SMIM7: variants seen among roughly 807,000 people sequenced by gnomAD.
SMIM7 encodes small integral membrane protein 7.
Under a neutral mutation model 13.3 loss-of-function variants are expected in SMIM7, and 12 were observed. The ratio of observed to expected loss-of-function variants is 0.90; its 90% CI spans 0.58 to 1.46. The LOEUF (loss-of-function observed/expected upper bound fraction) is 1.46, where lower values mean the gene tolerates loss of function less well. Ranked by LOEUF, SMIM7 falls within the 40% of genes most tolerant of loss-of-function variation. The probability of loss-of-function intolerance (pLI) is 0.00; values close to 1 mark genes in which losing one functional copy is unlikely to be tolerated. For synonymous variants in SMIM7, 36 were observed against 35.8 expected (o/e 1.01, Z -0.02); for missense variants, 114 against 94.8 (o/e 1.20, Z -0.84).
chr19:16,652,669 C>T lies in SMIM7; in HGVS notation c.212+1366G>A. The T allele has an allele frequency of 2.1e-6, 3 of 1,396,204 alleles. No homozygotes were observed. The East Asian group carries it at 8.1e-5, about 38-fold the overall frequency. The allele number at this position is 1,396,204 out of a possible 1,614,324, so 86.5% of individuals were successfully genotyped here. A position where few individuals can be genotyped will look rare whatever the true frequency, so the allele number is the denominator to read the frequency against. On this transcript the variant is annotated intron_variant, in intron 4 of 4. Coordinates refer to ENST00000487416, the MANE Select transcript of SMIM7 (RefSeq NM_024104.4). ...TGATGAGGGTGAAATGCCATCCTCC[C>T]CAGATCTCCTATGTCCTGGAAGCAT...
chr19:16,659,343 G>C lies in SMIM7; in HGVS notation c.121+52C>G, dbSNP rs184361526. ...AACGAAGGTAGGGCTTGGCGAAACAGAACTGTCCTCTGAAGTGGACCATGC... is the reference window on the plus strand; with the variant it reads ...AACGAAGGTAGGGCTTGGCGAAACACAACTGTCCTCTGAAGTGGACCATGC... On this transcript the variant is annotated intron_variant, in intron 3 of 4. Coordinates refer to ENST00000487416, the MANE Select transcript of SMIM7 (RefSeq NM_024104.4). The C allele has an allele frequency of 6.8e-4, 922 of 1,355,548 alleles. 3 individuals are homozygous for C. The highest frequency in any genetic ancestry group is 9.2e-4 in the Non-Finnish European group (873 of 951,400). 84.0% of individuals were successfully genotyped at this position (1,355,548 alleles called of 1,614,324 possible).
In SMIM7 at chr19:16,647,192, G is replaced by A. The variant is rs759839811; in HGVS notation, c.*54C>T. The stretch of plus-strand genomic sequence containing the variant: ...CATTCTTGAAGTCATCAGGAATGGA[G>A]GAATGGAGACTCGGCATCCCGGGAA... On this transcript the variant is annotated 3_prime_UTR_variant, in exon 5 of 5. Coordinates refer to ENST00000487416, the MANE Select transcript of SMIM7 (RefSeq NM_024104.4). The A allele has an allele frequency of 2.9e-5, 47 of 1,610,544 alleles. No individual in the cohort carries two copies. The highest frequency in any genetic ancestry group is 3.8e-5 in the Non-Finnish European group (45 of 1,178,128).
intron 4 of SMIM7, chr19:16,634,043 G>T (rs1190075187): frequency 6.6e-6 from 1 of 152,304 alleles, no homozygotes; most frequent in Non-Finnish European, 1.5e-5. Context: ...GGAGCCTCCA[G>T]GGCTGACTCC....
intron 3 of SMIM7, among the ~76,000 whole-genome samples, chr19:16,656,049 G>A (rs1387494055): frequency 2.6e-5 from 4 of 152,130 alleles, no homozygotes; most frequent in Admixed American, 6.6e-5. Context: ...GCGAAGGATC[G>A]TGAAAACAGG....
chr19:16,648,973 C>A (rs2122519922), intron 4 of SMIM7, among the ~76,000 whole-genome samples: 1 of 152,268 alleles, frequency 6.6e-6, no homozygotes. Context: ...TGAGATTGTG[C>A]CACTGTACTC....
intron 4 of SMIM7, among the ~76,000 whole-genome samples, chr19:16,637,164 A>G (rs2086366532): frequency 6.6e-6 from 1 of 152,090 alleles, no homozygotes; most frequent in African/African-American, 2.4e-5. Context: ...GGCCCTCACT[A>G]CTCAAAAGTG....
At chr19:16,643,081 C>T (rs547148647), downstream of SMIM7, among the ~76,000 whole-genome samples, 92 of 151,952 alleles carry the variant, frequency 6.1e-4, no homozygotes, top group Middle Eastern at 3.4e-3. Context: ...GGATTACAGG[C>T]GTGAACCACC....
At chr19:16,644,342 G>A (rs1023352687), downstream of SMIM7, among the ~76,000 whole-genome samples, 3 of 151,646 alleles carry the variant, frequency 2.0e-5, no homozygotes, top group South Asian at 2.1e-4. Context: ...GGTTGGTCTC[G>A]AACTCCTGAC....
At chr19:16,659,233 T>C (rs766619041) in intron 3 of SMIM7, 162 bp downstream of exon 3, 2 of 695,350 alleles carry the variant, frequency 2.9e-6, no homozygotes, top group Non-Finnish European at 4.9e-6. Context: ...CAGTGAGCCA[T>C]GATCGCACCA....
At chr19:16,654,432 C>T (rs967232429) in intron 3 of SMIM7, among the ~76,000 whole-genome samples, 2 of 152,192 alleles carry the variant, frequency 1.3e-5, no homozygotes, top group Admixed American at 1.3e-4. Context: ...AAAGAGATAC[C>T]TTCTGCCAGG....
intron 2 of SMIM7, 135 bp from the exon 3 acceptor site, chr19:16,659,582 G>A (rs1419203079): frequency 4.7e-6 from 4 of 849,196 alleles, no homozygotes; most frequent in Non-Finnish European, 7.5e-6. Context: ...GACCTCTGAC[G>A]TTCAATACCC....
intron 4 of SMIM7, among the ~76,000 whole-genome samples, chr19:16,639,721 C>T (rs1003767418): frequency 6.6e-6 from 1 of 152,142 alleles, no homozygotes; most frequent in Non-Finnish European, 1.5e-5. Context: ...TTCCCCCATG[C>T]TATTCTAGTG....
intron 3 of SMIM7, among the ~76,000 whole-genome samples, chr19:16,658,135 C>A (rs2122554588): frequency 6.6e-6 from 1 of 152,304 alleles, no homozygotes; most frequent in South Asian, 2.1e-4. Flanking sequence ...CCTCAAATGG[C>A]CTTCCCTTCC....
chr19:16,659,213 G>A (rs1490210049), intron 3 of SMIM7, 182 bp downstream of exon 3: 3 of 675,326 alleles, frequency 4.4e-6, no homozygotes, highest in Admixed American at 4.6e-5. Flanking sequence ...AGCTCAGGAG[G>A]TCGAGTCTGC....
intron 4 of SMIM7, among the ~76,000 whole-genome samples, chr19:16,638,038 A>T (rs2086372893): frequency 6.6e-6 from 1 of 152,016 alleles, no homozygotes; most frequent in South Asian, 2.1e-4. Flanking sequence ...TGGGTGGATC[A>T]CTTGAGGTTA....
chr19:16,632,110 C>T (rs1236291098), intron 4 of SMIM7, among the ~76,000 whole-genome samples: 3 of 152,084 alleles, frequency 2.0e-5, no homozygotes, highest in African/African-American at 7.2e-5. Context: ...CTTCATGATC[C>T]GCCTGCCTTG....
intron 3 of SMIM7, chr19:16,655,149 C>A (rs2086579884): frequency 2.9e-6 from 1 of 346,926 alleles, no homozygotes; most frequent in Non-Finnish European, 5.8e-6. Context: ...TTTGCTTTAA[C>A]CACTTTGAGC....
chr19:16,648,972 G>A (rs1236769068), intron 4 of SMIM7, among the ~76,000 whole-genome samples: 1 of 152,152 alleles, frequency 6.6e-6, no homozygotes, highest in Non-Finnish European at 1.5e-5. Context: ...CTGAGATTGT[G>A]CCACTGTACT....
chr19:16,639,328 T>G (rs1424782609), intron 4 of SMIM7, among the ~76,000 whole-genome samples: 13 of 152,084 alleles, frequency 8.5e-5, no homozygotes, highest in Admixed American at 7.9e-4. Flanking sequence ...TTCACCGTGT[T>G]AGCCAGGATG....
Sources: allele counts gnomAD v4.1 joint callset (sites outside exome capture counted in the v4.1 genomes callset), GRCh38; gene constraint gnomAD v4.1.1; transcripts MANE v1.5; gene names NCBI Gene and HGNC (gene_info 2026-07-23, HGNC 2026-07-21).